The following ZNF658 variants were observed in gnomAD, a reference collection of about 807,000 sequenced individuals.
ZNF658 encodes the protein zinc finger protein 658.
Under a neutral mutation model 78.0 loss-of-function variants are expected in ZNF658, and 46 were observed. The ratio of observed to expected loss-of-function variants is 0.59; its 90% CI spans 0.47 to 0.75. The LOEUF (loss-of-function observed/expected upper bound fraction) is 0.75, where lower values mean the gene tolerates loss of function less well. Among genes scored for constraint, ZNF658 ranks in the 30% least tolerant of loss-of-function variants. ZNF658 has a pLI of 0.00. For missense variants in ZNF658, 785 were observed against 1,189.3 expected, an observed-to-expected ratio of 0.66 and a Z score of 5.00; for synonymous variants, 279 against 408.4, an observed-to-expected ratio of 0.68 and a Z score of 3.82.
At chr9:66,916,864 A>T (rs2118060780) in intron 4 of ZNF658, among the ~76,000 whole-genome samples, 1 of 149,060 alleles carries the variant, frequency 6.7e-6, no homozygotes, top group East Asian at 2.0e-4. Context: ...ATGGAAGAAA[A>T]CATATAAGAG....
rs767688743 is a variant in ZNF658, at chr9:66,919,496, G to A, written c.1930G>A (p.Val644Ile). 6.3e-7 allele frequency: 1 copy of A among 1,598,840 alleles called. No individual in the cohort carries two copies. Among genetic ancestry groups the A allele is most frequent in the South Asian group, 1.1e-5 (1 of 90,440 alleles). Reference sequence around the variant, plus strand: ...TGGAAGGTCTTTTGCCCATATTTCTGTTCTCAAGGCACATCAAAGAATTCA... The same window carrying A: ...TGGAAGGTCTTTTGCCCATATTTCTATTCTCAAGGCACATCAAAGAATTCA... ...ECGRSFAHISVLKAHQRIHTG... is the reference protein window; with the variant it reads ...ECGRSFAHISILKAHQRIHTG... Residue 644 changes from valine (V) to isoleucine (I), a missense_variant, in exon 5 of 5, where the codon GTT (valine) becomes ATT (isoleucine). By Grantham distance (29) the Val-to-Ile change is conservative. This residue lies in a region of ZNF658 where 75 missense variants were observed against 147.1 expected (regional missense o/e 0.51). Transcript: ENST00000621410.
intron 2 of ZNF658, among the ~76,000 whole-genome samples, chr9:66,904,842 T>C (rs1458990832): frequency 2.6e-5 from 4 of 152,012 alleles, no homozygotes; most frequent in Non-Finnish European, 5.9e-5. Flanking sequence ...CCAGTTTCTC[T>C]ATTTTTCCTG....
Position 66,920,282 on chromosome 9 carries a change from G to A in ZNF658, c.2716G>A (p.Gly906Arg), listed in dbSNP as rs147786134. The change falls in exon 5 of 5, where the codon GGG (glycine) becomes AGG (arginine). Residue 906 changes from glycine to arginine, a missense_variant. This residue lies in a region of ZNF658 where 85 missense variants were observed against 108.6 expected (regional missense o/e 0.78). Transcript: ENST00000621410. ...CAGAGCACATCTTAGAACTCGCTCA[G>A]GGGAGAAACCCTATGAATGCAGTGA... ...HLRAHLRTRS[G>R]EKPYECSECG... is the part of the protein sequence containing the mutation. 388 of 1,613,854 alleles carry A rather than the reference G, an allele frequency of 2.4e-4. No homozygotes were observed. The highest frequency in any genetic ancestry group is 3.0e-4 in the Non-Finnish European group (356 of 1,179,922).
At chr9:66,904,359 G>T (rs373849164) in intron 2 of ZNF658, among the ~76,000 whole-genome samples, 3 of 151,626 alleles carry the variant, frequency 2.0e-5, no homozygotes, top group Non-Finnish European at 2.9e-5. Flanking sequence ...GAACATTTCC[G>T]TTAGTGATAC....
intron 6 of ZNF658, among the ~76,000 whole-genome samples, chr9:66,931,102 C>T (rs1186073621): frequency 1.3e-5 from 2 of 151,088 alleles, no homozygotes; most frequent in African/African-American, 2.4e-5. Context: ...TCACCGAGAT[C>T]TACAAACTAA....
rs1380258547 is a variant in ZNF658, at chr9:66,914,283, A to G, written c.239-3522A>G. ...TTTAATTTTGTTTTGGTGCTGTAAT[A>G]TTGTTTCTGTGATTTAAAATTCCAA... is the stretch of plus-strand genomic sequence containing the variant. On this transcript the variant is annotated intron_variant, in intron 4 of 4. Transcript: ENST00000621410. Among the ~76,000 whole-genome samples the G allele has an allele frequency of 3.3e-5, 5 of 150,858 alleles. No individual in the cohort carries two copies. In the East Asian group the frequency reaches 7.9e-4, roughly 24 times the overall value.
intron 4 of ZNF658, among the ~76,000 whole-genome samples, chr9:66,912,942 G>T (rs1321975938): frequency 1.3e-5 from 2 of 152,044 alleles, no homozygotes; most frequent in African/African-American, 4.8e-5. Flanking sequence ...CAGCTGCTTG[G>T]GAGGCTGAGG....
At chr9:66,913,206 C>T (rs927988459) in intron 4 of ZNF658, among the ~76,000 whole-genome samples, 4 of 151,208 alleles carry the variant, frequency 2.6e-5, no homozygotes, top group Admixed American at 1.3e-4. Context: ...GGGTGGATCA[C>T]CTGAGGTCAG....
At chr9:66,926,638 G>A (rs1822588341) in intron 6 of ZNF658, among the ~76,000 whole-genome samples, 1 of 134,060 alleles carries the variant, frequency 7.5e-6, no homozygotes, top group African/African-American at 2.8e-5. Flanking sequence ...ACTACTCAAA[G>A]CAATCTACAA....
downstream of ZNF658, among the ~76,000 whole-genome samples, chr9:66,925,534 T>A: frequency 6.6e-6 from 1 of 151,714 alleles, no homozygotes; most frequent in South Asian, 2.1e-4. Context: ...CAAGAGTGCA[T>A]CATGAAAGAA....
intron 4 of ZNF658, among the ~76,000 whole-genome samples, chr9:66,913,480 A>G (rs966360441): frequency 2.6e-5 from 4 of 151,812 alleles, no homozygotes; most frequent in Non-Finnish European, 4.4e-5. Context: ...AGGGGGTCAG[A>G]TCAGTGGGGA....
intron 1 of ZNF658, among the ~76,000 whole-genome samples, chr9:66,901,862 C>T (rs554603051): frequency 3.9e-5 from 6 of 151,974 alleles, no homozygotes; most frequent in Non-Finnish European, 7.4e-5. Context: ...GAGAATCGCT[C>T]GAACCCGAGG....
intron 4 of ZNF658, among the ~76,000 whole-genome samples, chr9:66,912,792 A>T (rs946971287): frequency 6.6e-6 from 1 of 150,986 alleles, no homozygotes; most frequent in East Asian, 2.0e-4. Flanking sequence ...TCACACTTGT[A>T]ATCTCAGAAC....
downstream of ZNF658, among the ~76,000 whole-genome samples, chr9:66,921,684 A>G (rs1261242483): frequency 6.6e-6 from 1 of 151,968 alleles, no homozygotes; most frequent in Non-Finnish European, 1.5e-5. Context: ...AGAATGGCAA[A>G]TGTTGCTGCC....
At chr9:66,924,545 AG>A (rs1441294880), downstream of ZNF658, among the ~76,000 whole-genome samples, 4 of 122,626 alleles carry the variant, frequency 3.3e-5, no homozygotes, top group East Asian at 6.7e-4. Context: ...GAAGAAAAGA[AG>A]AAAAAAGAAC....
At chr9:66,902,290 C>A (rs28377782) in intron 1 of ZNF658, among the ~76,000 whole-genome samples, 1 of 130,628 alleles carries the variant, frequency 7.7e-6, no homozygotes, top group Admixed American at 8.3e-5. Flanking sequence ...CCCATATGAC[C>A]GAGACCTCTT....
chr9:66,910,902 A>G (rs1188104784), intron 4 of ZNF658, among the ~76,000 whole-genome samples: 1 of 151,726 alleles, frequency 6.6e-6, no homozygotes, highest in East Asian at 1.9e-4. Flanking sequence ...CAGGCAAGAA[A>G]TTCATTAAAG....
At chr9:66,931,980 C>T (rs1822649762) in intron 6 of ZNF658, 1 of 149,034 alleles carries the variant, frequency 6.7e-6, no homozygotes, top group African/African-American at 2.5e-5. Context: ...AGTGAATGGT[C>T]TCACCTGTCC....
At chr9:66,901,290 TG>T (rs1821947322) in intron 1 of ZNF658, among the ~76,000 whole-genome samples, 1 of 152,134 alleles carries the variant, frequency 6.6e-6, no homozygotes, top group South Asian at 2.1e-4. Flanking sequence ...CGAAAGTTCA[TG>T]GGGATGGGTA....
Sources: gnomAD v4.1 joint callset for allele counts (sites outside exome capture counted in the v4.1 genomes callset) on GRCh38, gnomAD v4.1.1 for gene constraint, gnomAD v4.1.1 regional missense constraint, MANE v1.5 for transcripts, NCBI Gene and HGNC (gene_info 2026-07-23, HGNC 2026-07-21) for gene names.